ZNF329: variants seen among roughly 807,000 people sequenced by gnomAD.
The protein encoded by ZNF329 is zinc finger protein 329.
In ZNF329, 15 loss-of-function variants were observed where a neutral mutation model predicts 26.6. That is an observed-to-expected ratio of 0.56 (90% confidence interval 0.38 to 0.87). ZNF329 has a LOEUF of 0.87. Ranked by LOEUF, ZNF329 falls within the 40% of genes least tolerant of loss-of-function variation. The probability of loss-of-function intolerance (pLI) is 0.00; values close to 1 mark genes in which losing one functional copy is unlikely to be tolerated. For synonymous variants in ZNF329, 239 were observed against 233.5 expected, an observed-to-expected ratio of 1.02 and a Z score of -0.21; for missense variants, 651 against 651.9, an observed-to-expected ratio of 1.00 and a Z score of 0.02.
intron 1 of ZNF329, among the ~76,000 whole-genome samples, chr19:58,149,463 GAAGATA>G (rs1371375724): frequency 2.0e-5 from 3 of 152,172 alleles, no homozygotes; most frequent in Non-Finnish European, 2.9e-5. Context: ...CAGGCAGGGA[GAAGATA>G]AAGATAAAGC....
intron 3 of ZNF329, among the ~76,000 whole-genome samples, chr19:58,131,805 C>G (rs2146070805): frequency 6.6e-6 from 1 of 152,174 alleles, no homozygotes; most frequent in African/African-American, 2.4e-5. Flanking sequence ...AGGTGGACCA[C>G]AAGGTCAGGA....
At chr19:58,145,012 G>A (rs1426302303) in intron 1 of ZNF329, among the ~76,000 whole-genome samples, 1 of 151,624 alleles carries the variant, frequency 6.6e-6, no homozygotes, top group Non-Finnish European at 1.5e-5. Context: ...ACCATGCCTG[G>A]CTAATTTTTT....
At chr19:58,133,792 C>T (rs1233455568) in intron 3 of ZNF329, among the ~76,000 whole-genome samples, 2 of 150,192 alleles carry the variant, frequency 1.3e-5, no homozygotes, top group Non-Finnish European at 3.0e-5. Flanking sequence ...TGAGCCCAGG[C>T]ATTTATGACT....
intron 1 of ZNF329, among the ~76,000 whole-genome samples, chr19:58,150,055 T>C (rs1317816058): frequency 6.6e-6 from 1 of 152,180 alleles, no homozygotes; most frequent in African/African-American, 2.4e-5. Flanking sequence ...TGCACAAGTC[T>C]TTCAGCTTCT....
chr19:58,131,458 G>T (rs757828470), intron 3 of ZNF329, among the ~76,000 whole-genome samples: 1 of 152,092 alleles, frequency 6.6e-6, no homozygotes, highest in African/African-American at 2.4e-5. Context: ...CAAGGATTAA[G>T]AAGTCTGATA....
At chr19:58,154,036 C>T (rs2075502455), upstream of ZNF329, among the ~76,000 whole-genome samples, 1 of 150,106 alleles carries the variant, frequency 6.7e-6, no homozygotes, top group African/African-American at 2.5e-5. Context: ...CAGTCTTGCT[C>T]TATCGCCCAG....
chr19:58,129,036 A>G lies in ZNF329; in HGVS notation c.468T>C (p.Phe156=). 6.2e-7 allele frequency: 1 copy of G among 1,613,956 alleles called. No homozygotes were observed. ...GATGACCAAGAGAGGTAAAATGATT[A>G]AAAGACTTAACACTTTCAGGGTATT... ...PYKYPESVKS[F]NHFTSLGHQK... is the part of the protein sequence containing the mutation. The change falls in exon 4 of 4, where the codon TTT becomes TTC. Residue 156 remains phenylalanine, a synonymous_variant. Transcript: ENST00000598312.
chr19:58,143,994 T>C (rs1465611148), intron 1 of ZNF329, among the ~76,000 whole-genome samples: 6 of 151,410 alleles, frequency 4.0e-5, no homozygotes, highest in East Asian at 2.0e-4. Context: ...GGGAGAAGAA[T>C]TGCTGGAACC....
At chr19:58,151,069 C>A (rs1319269033), upstream of ZNF329, among the ~76,000 whole-genome samples, 1 of 152,152 alleles carries the variant, frequency 6.6e-6, no homozygotes, top group Non-Finnish European at 1.5e-5. Flanking sequence ...TGTTAAAATT[C>A]AGAATAAGTA....
chr19:58,137,058 T>TAAAAAAAAA (rs11355450), intron 3 of ZNF329: 2 of 123,764 alleles, frequency 1.6e-5, no homozygotes, highest in Non-Finnish European at 1.8e-5. Flanking sequence ...TAAGTACAGA[T>TAAAAAAAAA]AAAAAAAAAA....
chr19:58,136,374 A>G (rs749243775), intron 3 of ZNF329, among the ~76,000 whole-genome samples: 7 of 152,092 alleles, frequency 4.6e-5, no homozygotes, highest in Admixed American at 1.3e-4. Flanking sequence ...TAATGCCTAT[A>G]TTTTAAAAAG....
chr19:58,126,291 C>A lies in ZNF329; in HGVS notation c.*1587G>T, dbSNP rs919229654. ...ATTTATTACCAAATTATTATGCCAACAAGTATCTGTAACAGAGAAAAAAAT... is the reference window on the plus strand; with the variant it reads ...ATTTATTACCAAATTATTATGCCAAAAAGTATCTGTAACAGAGAAAAAAAT... On this transcript the variant is annotated 3_prime_UTR_variant, in exon 4 of 4. Coordinates refer to ENST00000598312, the MANE Select transcript of ZNF329 (RefSeq NM_024620.4). The A allele has an allele frequency of 6.6e-6, 1 of 152,188 alleles. No homozygotes were observed. Among genetic ancestry groups the A allele is most frequent in the Admixed American group, 6.5e-5 (1 of 15,278 alleles). The allele number at this position is 152,188 out of a possible 1,614,324, so 9.4% of individuals were successfully genotyped here.
chr19:58,153,499 G>A (rs980471376), upstream of ZNF329, among the ~76,000 whole-genome samples: 1 of 152,142 alleles, frequency 6.6e-6, no homozygotes, highest in Non-Finnish European at 1.5e-5. Flanking sequence ...AGACCATAAG[G>A]TCTCTGCCAT....
intron 3 of ZNF329, among the ~76,000 whole-genome samples, chr19:58,131,724 A>G (rs1395584322): frequency 1.3e-5 from 2 of 152,050 alleles, no homozygotes; most frequent in African/African-American, 4.8e-5. Flanking sequence ...GGGAAAATAG[A>G]AATGTCCTGA....
At chr19:58,138,617 T>C (rs1261617155) in intron 3 of ZNF329, among the ~76,000 whole-genome samples, 2 of 152,200 alleles carry the variant, frequency 1.3e-5, no homozygotes, top group Non-Finnish European at 1.5e-5. Flanking sequence ...GGGCCTGGCA[T>C]GGTCTGTGGC....
intron 3 of ZNF329, among the ~76,000 whole-genome samples, chr19:58,138,490 G>A (rs2075118358): frequency 6.6e-6 from 1 of 152,188 alleles, no homozygotes; most frequent in African/African-American, 2.4e-5. Flanking sequence ...CCAGTCAGGA[G>A]GACCATGCTC....
chr19:58,140,874 A>ATTTTTTTTTTTT (rs34583536), intron 3 of ZNF329, among the ~76,000 whole-genome samples: 42 of 133,936 alleles, frequency 3.1e-4, no homozygotes, highest in African/African-American at 1.1e-3. Flanking sequence ...ATCACACATA[A>ATTTTTTTTTTTT]TTTTTTTTTT....
chr19:58,129,974 G>T (rs927303964), intron 3 of ZNF329, among the ~76,000 whole-genome samples: 1 of 152,208 alleles, frequency 6.6e-6, no homozygotes, highest in Non-Finnish European at 1.5e-5. Flanking sequence ...TTCATGGATA[G>T]GACAAAGCAC....
chr19:58,130,508 T>TA (rs2074913769), intron 3 of ZNF329, among the ~76,000 whole-genome samples: 1 of 150,134 alleles, frequency 6.7e-6, no homozygotes, highest in African/African-American at 2.5e-5. Context: ...CCGTCTCTAC[T>TA]AAAAAAATAC....
Sources: allele counts gnomAD v4.1 joint callset (sites outside exome capture counted in the v4.1 genomes callset), GRCh38; gene constraint gnomAD v4.1.1; transcripts MANE v1.5; gene names NCBI Gene and HGNC (gene_info 2026-07-23, HGNC 2026-07-21).